The following CDK13 variants were observed in gnomAD, a reference collection of about 807,000 sequenced individuals.
CDK13 encodes cyclin dependent kinase 13.
Under a neutral mutation model 137.6 loss-of-function variants are expected in CDK13, and 40 were observed. That is an observed-to-expected ratio of 0.29 (90% CI 0.23 to 0.38). CDK13 has a LOEUF of 0.38. Ranked by LOEUF, CDK13 falls within the 10% of genes least tolerant of loss-of-function variation. CDK13 has a pLI of 1.00. For synonymous variants in CDK13, 869 were observed against 760.1 expected (o/e 1.14, Z -2.36); for missense variants, 1,704 against 1,951.8 (o/e 0.87, Z 2.39).
intron 5 of CDK13, among the ~76,000 whole-genome samples, chr7:40,031,462 C>T (rs1209995807): frequency 6.6e-6 from 1 of 152,014 alleles, no homozygotes; most frequent in Non-Finnish European, 1.5e-5. Context: ...GCAGAGGCTG[C>T]AGTGAGCCGA....
At chr7:39,975,664 A>G (rs1273337222) in intron 1 of CDK13, among the ~76,000 whole-genome samples, 3 of 152,182 alleles carry the variant, frequency 2.0e-5, no homozygotes, top group Non-Finnish European at 4.4e-5. Flanking sequence ...GTGATGATCT[A>G]AGCATCCCAG....
At chr7:39,983,768 A>G (rs1411477892) in intron 1 of CDK13, among the ~76,000 whole-genome samples, 1 of 152,214 alleles carries the variant, frequency 6.6e-6, no homozygotes, top group African/African-American at 2.4e-5. Context: ...ATCTGAAGGG[A>G]GAGGAAATTA....
rs1017057210 is a variant in CDK13, at chr7:39,951,168, G to T, written c.527G>T (p.Gly176Val). ...GCGACGGCTGCCGGGGGAACGGGGGGCAGCGGCGGGAGTCCGGCCTCCTCC... is the reference window on the plus strand; with the variant it reads ...GCGACGGCTGCCGGGGGAACGGGGGTCAGCGGCGGGAGTCCGGCCTCCTCC... The part of the protein sequence containing the change: ...TAATAAGGTG[G>V]SGGSPASSSG... Residue 176 changes from glycine to valine, a missense_variant, in exon 1 of 14, where the codon GGC (glycine) becomes GTC (valine). Transcript: ENST00000181839. 1.6e-6 allele frequency: 2 copies of T among 1,243,558 alleles called. No individual in the cohort carries two copies. The highest frequency in any genetic ancestry group is 1.0e-6 in the Non-Finnish European group (1 of 995,666). 77.0% of individuals were successfully genotyped at this position (1,243,558 alleles called of 1,614,324 possible). A position where few individuals can be genotyped will look rare whatever the true frequency, so the allele number is the denominator to read the frequency against.
chr7:40,029,457 C>T (rs1278616708), intron 5 of CDK13, among the ~76,000 whole-genome samples: 1 of 151,596 alleles, frequency 6.6e-6, no homozygotes, highest in Non-Finnish European at 1.5e-5. Context: ...TGCAGTGGCT[C>T]ACCCCCGTAA....
intron 1 of CDK13, among the ~76,000 whole-genome samples, chr7:39,976,323 T>TCTCTCTCTCACACA: frequency 2.6e-3 from 103 of 39,570 alleles, no homozygotes; most frequent in African/African-American, 3.0e-3. Context: ...TCTCTCTCTC[T>TCTCTCTCTCACACA]CACACACACA....
At chr7:40,048,033 T>C in intron 7 of CDK13, 156 bp downstream of exon 7, 2 of 464,358 alleles carry the variant, frequency 4.3e-6, no homozygotes, top group Non-Finnish European at 7.7e-6. Flanking sequence ...ATTGGGTTGA[T>C]TATTGTAATT....
intron 1 of CDK13, chr7:39,986,239 T>C (rs1309561642): frequency 6.6e-6 from 1 of 152,126 alleles, no homozygotes; most frequent in East Asian, 1.9e-4. Flanking sequence ...GAAAGTACTA[T>C]CATAATGTCT....
intron 5 of CDK13, among the ~76,000 whole-genome samples, chr7:40,039,434 ATTTTTTTTTT>A (rs976319927): frequency 0.011 from 963 of 85,048 alleles, 47 homozygotes; most frequent in Middle Eastern, 0.05. Flanking sequence ...TGCCCGGCTA[ATTTTTTTTTT>A]TTTTTTTTTT....
At chr7:40,061,874 G>A (rs1214793378) in intron 7 of CDK13, 3 of 152,170 alleles carry the variant, frequency 2.0e-5, no homozygotes, top group African/African-American at 7.2e-5. Context: ...AAATAATCTT[G>A]TCTGTGGCAA....
intron 5 of CDK13, among the ~76,000 whole-genome samples, chr7:40,032,166 C>A (rs1402671800): frequency 6.6e-6 from 1 of 152,152 alleles, no homozygotes; most frequent in Non-Finnish European, 1.5e-5. Flanking sequence ...AAGCCGTCTT[C>A]CCACCTCAGC....
At chr7:39,978,049 G>C (rs1784146027) in intron 1 of CDK13, among the ~76,000 whole-genome samples, 1 of 152,166 alleles carries the variant, frequency 6.6e-6, no homozygotes. Context: ...AATAGTTTTA[G>C]CTGTATTGTG....
chr7:40,050,274 C>T (rs1785856615), intron 7 of CDK13, among the ~76,000 whole-genome samples: 1 of 152,146 alleles, frequency 6.6e-6, no homozygotes, highest in African/African-American at 2.4e-5. Context: ...ATTTTTTATT[C>T]TTTCTGTCAT....
intron 10 of CDK13, 75 bp downstream of exon 10, chr7:40,078,196 C>A: frequency 1.3e-6 from 1 of 750,342 alleles, no homozygotes; most frequent in Non-Finnish European, 2.2e-6. Flanking sequence ...AAATGTTAGT[C>A]TATTCTCTAG....
At chr7:39,982,486 G>A (rs550458427) in intron 1 of CDK13, among the ~76,000 whole-genome samples, 1 of 152,002 alleles carries the variant, frequency 6.6e-6, no homozygotes, top group African/African-American at 2.4e-5. Context: ...ACATGTGCAT[G>A]TGTCTTTATA....
At chr7:40,032,532 T>C (rs1785402536) in intron 5 of CDK13, among the ~76,000 whole-genome samples, 1 of 152,252 alleles carries the variant, frequency 6.6e-6, no homozygotes, top group South Asian at 2.1e-4. Context: ...TACACTCAAG[T>C]CTTTGATCCA....
intron 1 of CDK13, among the ~76,000 whole-genome samples, chr7:39,973,868 A>T (rs900279628): frequency 1.3e-5 from 2 of 152,112 alleles, no homozygotes; most frequent in African/African-American, 4.8e-5. Context: ...TTGTCTTAGC[A>T]CCCTTGTTGA....
At chr7:39,999,309 T>G in intron 3 of CDK13, 52 bp from the exon 4 acceptor site, 1 of 1,466,802 alleles carries the variant, frequency 6.8e-7, no homozygotes, top group South Asian at 1.3e-5. Context: ...TATTAGACAG[T>G]TTATTCAATT....
In CDK13 at chr7:39,951,565, G is replaced by T; in HGVS notation, c.924G>T (p.Lys308Asn). 1 of 1,524,946 alleles carries T rather than the reference G, an allele frequency of 6.6e-7. No homozygotes were observed. The highest frequency in any genetic ancestry group is 2.6e-5 in the East Asian group (1 of 38,838). The allele number at this position is 1,524,946 out of a possible 1,614,324, so 94.5% of individuals were successfully genotyped here. ...KAYREDKTEP[K>N]AYRRRRSLSP... ...ACCGGGAGGACAAGACCGAGCCTAA[G>T]GCCTACAGGCGGCGGCGGTCCCTCA... is the stretch of plus-strand genomic sequence containing the variant. The change falls in exon 1 of 14, where the codon AAG becomes AAT. Residue 308 changes from lysine (K) to asparagine (N), a missense_variant. By Grantham distance (94) the Lys-to-Asn change is moderately conservative. Transcript: ENST00000181839.
At chr7:40,024,689 A>T (rs1360904191) in intron 5 of CDK13, among the ~76,000 whole-genome samples, 1 of 93,012 alleles carries the variant, frequency 1.1e-5, no homozygotes, top group Non-Finnish European at 1.9e-5. Context: ...CCTGAGACAG[A>T]GTCTTGCTCT....
Sources: gnomAD v4.1 joint callset for allele counts (sites outside exome capture counted in the v4.1 genomes callset) on GRCh38, gnomAD v4.1.1 for gene constraint, MANE v1.5 for transcripts, NCBI Gene and HGNC (gene_info 2026-07-23, HGNC 2026-07-21) for gene names.